The following SYNE1 variants were observed in gnomAD, a reference collection of about 807,000 sequenced individuals.
The protein encoded by SYNE1 is spectrin repeat containing nuclear envelope protein 1.
SYNE1 carries 616 observed loss-of-function variants against 1,111.0 expected under a neutral mutation model. The ratio of observed to expected loss-of-function variants is 0.55; its 90% CI spans 0.52 to 0.59. The LOEUF (loss-of-function observed/expected upper bound fraction) is 0.59. Among genes scored for constraint, SYNE1 ranks in the 20% least tolerant of loss-of-function variants. The pLI is 0.00. For missense variants in SYNE1, 10,006 were observed against 10,417.0 expected (o/e 0.96, Z 1.72); for synonymous variants, 3,855 against 3,825.8 (o/e 1.01, Z -0.28).
intron 95 of SYNE1, 94 bp from the exon 96 acceptor site, chr6:152,284,266 G>C: frequency 7.7e-7 from 1 of 1,290,338 alleles, no homozygotes; most frequent in Non-Finnish European, 1.1e-6. Flanking sequence ...TGGGATTAGC[G>C]GAAGAGATTT....
At position 152,216,851 on chromosome 6, in the gene SYNE1, C is replaced by T. The variant is rs374370109; in HGVS notation, c.22191+1406G>A. On this transcript the variant is annotated intron_variant, in intron 121 of 145. Transcript: ENST00000367255. ...AGGGCGGATCACAAGGTCAGGAGTT[C>T]GAGACCAGCCTGGCCAACATAGTGA... Among the ~76,000 whole-genome samples the T allele has an allele frequency of 4.6e-5, 7 of 151,086 alleles. No homozygotes were observed. The East Asian group carries it at 5.9e-4, about 13-fold the overall frequency.
chr6:152,450,682 T>A lies in SYNE1; in HGVS notation c.3338A>T (p.Asp1113Val). ...VTLKELRAAI[D>V]STYRKLMEDP... ...TTCCATGAGCTTCCTGTAGGTGCTGTCAATGGCAGCTCTGAGCTCTTTGAG... is the reference window on the plus strand; with the variant it reads ...TTCCATGAGCTTCCTGTAGGTGCTGACAATGGCAGCTCTGAGCTCTTTGAG... The change falls in exon 27 of 146, where the codon GAC becomes GTC. Residue 1113 changes from aspartate (D) to valine (V), a missense_variant. Asp to Val is a radical substitution (Grantham distance 152). This residue lies in a region of SYNE1 where 1,971 missense variants were observed against 2,084.1 expected (regional missense o/e 0.95). Coordinates refer to ENST00000367255, the MANE Select transcript of SYNE1 (RefSeq NM_182961.4). The A allele has an allele frequency of 6.2e-7, 1 of 1,614,188 alleles. No individual in the cohort carries two copies. The highest frequency in any genetic ancestry group is 8.5e-7 in the Non-Finnish European group (1 of 1,180,030).
intron 93 of SYNE1, 148 bp downstream of exon 93, chr6:152,300,493 G>T: frequency 8.5e-7 from 1 of 1,170,496 alleles, no homozygotes; most frequent in Non-Finnish European, 1.2e-6. Flanking sequence ...GACAATCATA[G>T]TTTGTGCAAC....
intron 11 of SYNE1, among the ~76,000 whole-genome samples, chr6:152,495,902 G>T (rs576864616): frequency 6.6e-6 from 1 of 152,288 alleles, no homozygotes; most frequent in East Asian, 1.9e-4. Context: ...GCCTTGCTGA[G>T]AATTAAAAAG....
In SYNE1 at chr6:152,510,311, C is replaced by T. The variant is rs774342833; in HGVS notation, c.463G>A (p.Val155Met). The change falls in exon 8 of 146, where the codon GTG becomes ATG. Residue 155 changes from valine (V) to methionine (M), a missense_variant. Val to Met is a conservative substitution (Grantham distance 21). Around this residue, in one of 7 missense-constraint regions of SYNE1, gnomAD observed 1,971 missense variants for 2,084.1 expected, o/e 0.95. Coordinates refer to ENST00000367255, the MANE Select transcript of SYNE1 (RefSeq NM_182961.4). Reference sequence around the variant, plus strand: ...GTCTCAGAGCTAACTATGCTGTCCACGGAGGATGCGCTGCTGGACAAAGAC... The same window carrying T: ...GTCTCAGAGCTAACTATGCTGTCCATGGAGGATGCGCTGCTGGACAAAGAC... ...LQSLSSSASS[V>M]DSIVSSETPS... 11 of 1,613,936 alleles carry T rather than the reference C, an allele frequency of 6.8e-6. No individual in the cohort carries two copies. Among genetic ancestry groups the T allele is most frequent in the South Asian group, 3.3e-5 (3 of 91,074 alleles).
At chr6:152,213,568 C>A in intron 123 of SYNE1, 44 bp downstream of exon 123, 1 of 1,609,332 alleles carries the variant, frequency 6.2e-7, no homozygotes, top group Non-Finnish European at 8.5e-7. Flanking sequence ...CTTCTAAGGG[C>A]CTAAAAATTT....
At chr6:152,155,758 C>A (rs1450384344) in intron 132 of SYNE1, 152 bp downstream of exon 132, 1 of 909,156 alleles carries the variant, frequency 1.1e-6, no homozygotes, top group African/African-American at 1.7e-5. Flanking sequence ...CTTATTTTCC[C>A]AACTAAATGT....
chr6:152,165,850 G>A (rs566979626), intron 130 of SYNE1, among the ~76,000 whole-genome samples: 17 of 152,290 alleles, frequency 1.1e-4, no homozygotes, highest in Middle Eastern at 3.4e-3. Flanking sequence ...TGGCTACTGG[G>A]TACAAAGCTC....
intron 3 of SYNE1, among the ~76,000 whole-genome samples, chr6:152,623,253 G>C (rs190060483): frequency 1.4e-4 from 22 of 152,184 alleles, no homozygotes; most frequent in South Asian, 4.2e-4. Flanking sequence ...ATGGGGAAAG[G>C]CTTTACTATT....
At position 152,572,610 on chromosome 6, in the gene SYNE1, C is replaced by T. The variant is rs909647794; in HGVS notation, c.68-32589G>A. Among the ~76,000 whole-genome samples the T allele has an allele frequency of 2.6e-5, 4 of 152,168 alleles. No homozygotes were observed. In the East Asian group the frequency reaches 5.8e-4, roughly 22 times the overall value. On this transcript the variant is annotated intron_variant, in intron 3 of 145. Transcript: ENST00000367255. Reference sequence around the variant, plus strand: ...CCAGAATGTCAGTAATACTACTCATCGTTGCCAGATACTCAAAAGCTCCTC... The same window carrying T: ...CCAGAATGTCAGTAATACTACTCATTGTTGCCAGATACTCAAAAGCTCCTC...
intron 117 of SYNE1, among the ~76,000 whole-genome samples, chr6:152,222,309 C>T (rs2080369740): frequency 1.3e-5 from 2 of 152,218 alleles, no homozygotes; most frequent in Admixed American, 6.5e-5. Flanking sequence ...CTACCCCAAG[C>T]TCTTGTTTCT....
chr6:152,573,292 A>C (rs1376681923), intron 3 of SYNE1, among the ~76,000 whole-genome samples: 5 of 150,502 alleles, frequency 3.3e-5, no homozygotes, highest in African/African-American at 1.2e-4. Flanking sequence ...TTAACTCGTC[A>C]TTTAGCATTA....
chr6:152,598,200 G>A (rs1431920676), intron 3 of SYNE1, among the ~76,000 whole-genome samples: 2 of 152,036 alleles, frequency 1.3e-5, no homozygotes, highest in Non-Finnish European at 2.9e-5. Flanking sequence ...TTGAATCATG[G>A]GGTCGGGCCT....
intron 3 of SYNE1, among the ~76,000 whole-genome samples, chr6:152,590,876 T>G (rs905473952): frequency 6.6e-6 from 1 of 152,188 alleles, no homozygotes; most frequent in African/African-American, 2.4e-5. Flanking sequence ...GGGCTCTTTT[T>G]TGGTTCCACA....
chr6:152,260,484 G>A (rs917744308), intron 101 of SYNE1, among the ~76,000 whole-genome samples: 1 of 152,190 alleles, frequency 6.6e-6, no homozygotes, highest in Non-Finnish European at 1.5e-5. Flanking sequence ...TCCCAGGGCA[G>A]AGCTGGTGGC....
At chr6:152,132,861 G>T (rs2056162143) in intron 143 of SYNE1, among the ~76,000 whole-genome samples, 1 of 139,622 alleles carries the variant, frequency 7.2e-6, no homozygotes, top group Admixed American at 7.6e-5. Flanking sequence ...ATGAGCAGAG[G>T]ACTGTTTTTT....
Position 152,386,828 on chromosome 6 carries a change from A to T in SYNE1, c.8487+244T>A, listed in dbSNP as rs548327554. Among the ~76,000 whole-genome samples the T allele has an allele frequency of 3.3e-5, 5 of 152,328 alleles. No individual in the cohort carries two copies. In the South Asian group the frequency reaches 1.0e-3, roughly 32 times the overall value. On this transcript the variant is annotated intron_variant, in intron 54 of 145. Transcript: ENST00000367255. ...AAAGCGGAGAAAGAGAAAAATAAGCAATAAAGAATAATCCCAAGATTGTAG... is the reference window on the plus strand; with the variant it reads ...AAAGCGGAGAAAGAGAAAAATAAGCTATAAAGAATAATCCCAAGATTGTAG...
intron 105 of SYNE1, among the ~76,000 whole-genome samples, chr6:152,245,239 G>C (rs1284428133): frequency 6.6e-6 from 1 of 152,220 alleles, no homozygotes; most frequent in Non-Finnish European, 1.5e-5. Context: ...ATCTCATCCT[G>C]TCCTTCAAGG....
intron 25 of SYNE1, among the ~76,000 whole-genome samples, chr6:152,452,114 A>G (rs2098656244): frequency 6.6e-6 from 1 of 152,218 alleles, no homozygotes; most frequent in African/African-American, 2.4e-5. Flanking sequence ...CTCAAACACT[A>G]CATAACATTT....
Sources: gnomAD v4.1 joint callset for allele counts (sites outside exome capture counted in the v4.1 genomes callset) on GRCh38, gnomAD v4.1.1 for gene constraint, gnomAD v4.1.1 regional missense constraint, MANE v1.5 for transcripts, NCBI Gene and HGNC (gene_info 2026-07-23, HGNC 2026-07-21) for gene names.